Variants in ZNF827 observed in about 807,000 individuals in gnomAD.
ZNF827 encodes zinc finger protein 827.
In ZNF827, 13 loss-of-function variants were observed where a neutral mutation model predicts 102.4. The observed-to-expected ratio is 0.13, with a 90% confidence interval of 0.08 to 0.20. The LOEUF (loss-of-function observed/expected upper bound fraction) is 0.20. Among genes scored for constraint, ZNF827 ranks in the 10% least tolerant of loss-of-function variants. ZNF827 has a pLI of 1.00. For synonymous variants in ZNF827, 523 were observed against 536.2 expected (o/e 0.98, Z 0.34); for missense variants, 1,103 against 1,344.4 (o/e 0.82, Z 2.81).
intron 1 of ZNF827, among the ~76,000 whole-genome samples, chr4:145,929,630 C>A (rs900380652): frequency 6.6e-6 from 1 of 151,976 alleles, no homozygotes; most frequent in African/African-American, 2.4e-5. Context: ...TTATTACTCA[C>A]CACACTAATG....
chr4:145,764,110 TGTGTTAA>T (rs1734923742), intron 13 of ZNF827, among the ~76,000 whole-genome samples: 2 of 152,198 alleles, frequency 1.3e-5, no homozygotes, highest in Non-Finnish European at 2.9e-5. Flanking sequence ...TTTTCCCCCT[TGTGTTAA>T]GTAAAATGTA....
intron 1 of ZNF827, among the ~76,000 whole-genome samples, chr4:145,910,342 A>G (rs1165920109): frequency 3.3e-5 from 5 of 152,160 alleles, no homozygotes; most frequent in African/African-American, 1.2e-4. Context: ...TCCATGGCCG[A>G]GGAACTGCCC....
intron 8 of ZNF827, among the ~76,000 whole-genome samples, chr4:145,783,641 A>G (rs963069914): frequency 2.6e-5 from 4 of 152,218 alleles, no homozygotes; most frequent in African/African-American, 9.6e-5. Flanking sequence ...GCCATGTGCC[A>G]AAGTTCTGAG....
chr4:145,843,755 C>T (rs1203524114), intron 7 of ZNF827, among the ~76,000 whole-genome samples: 2 of 152,240 alleles, frequency 1.3e-5, no homozygotes, highest in African/African-American at 4.8e-5. Context: ...GTGAGAACCG[C>T]TGTCCCCATT....
intron 11 of ZNF827, among the ~76,000 whole-genome samples, chr4:145,772,027 C>T (rs1736366681): frequency 6.6e-6 from 1 of 152,200 alleles, no homozygotes; most frequent in African/African-American, 2.4e-5. Context: ...ACCATAGGGT[C>T]TAGAACCTGG....
chr4:145,903,671 G>A (rs1010104557), intron 1 of ZNF827, among the ~76,000 whole-genome samples: 3 of 152,142 alleles, frequency 2.0e-5, no homozygotes, highest in South Asian at 2.1e-4. Context: ...TTCTAACTCC[G>A]TGACTCTAGG....
chr4:145,851,310 G>T (rs1431526451), intron 5 of ZNF827, among the ~76,000 whole-genome samples: 1 of 152,022 alleles, frequency 6.6e-6, no homozygotes, highest in African/African-American at 2.4e-5. Context: ...AGACAGACAG[G>T]CAGACAGACA....
chr4:145,765,497 T>C lies in ZNF827; in HGVS notation c.3052+50A>G. 2 of 1,553,058 alleles carry C rather than the reference T, an allele frequency of 1.3e-6. No homozygotes were observed. The highest frequency in any genetic ancestry group is 1.7e-6 in the Non-Finnish European group (2 of 1,151,162). ...TGCAGGGCTTATTCTCAAGAATGGG[T>C]CATCCTGGGTGCGGAGGGTTGAGCA... is the stretch of plus-strand genomic sequence containing the variant. On this transcript the variant is annotated intron_variant, in intron 12 of 14. Coordinates refer to ENST00000508784, the MANE Select transcript of ZNF827 (RefSeq NM_001306215.2). The surrounding 1 kb of genome is among the most constrained non-coding windows in gnomAD (Gnocchi z 4.7).
chr4:145,792,295 C>A (rs1384079284), intron 8 of ZNF827, among the ~76,000 whole-genome samples: 1 of 151,758 alleles, frequency 6.6e-6, no homozygotes, highest in East Asian at 1.9e-4. Context: ...AAATTTACTC[C>A]TACTCCTATT....
chr4:145,859,188 T>C (rs954318241), intron 5 of ZNF827, among the ~76,000 whole-genome samples: 7 of 152,004 alleles, frequency 4.6e-5, no homozygotes, highest in East Asian at 3.9e-4. Context: ...ATGGTAGCAA[T>C]AGATGGGGTA....
intron 8 of ZNF827, among the ~76,000 whole-genome samples, chr4:145,813,078 G>T (rs1210284739): frequency 6.6e-6 from 1 of 152,016 alleles, no homozygotes; most frequent in Non-Finnish European, 1.5e-5. Flanking sequence ...TCCATTAAAC[G>T]CCCATTAGTC....
At chr4:145,877,433 T>C (rs1749238650) in intron 4 of ZNF827, among the ~76,000 whole-genome samples, 1 of 152,258 alleles carries the variant, frequency 6.6e-6, no homozygotes, top group Non-Finnish European at 1.5e-5. Flanking sequence ...ATATGACTTT[T>C]AAATGTTAAG....
intron 7 of ZNF827, among the ~76,000 whole-genome samples, chr4:145,843,567 A>G (rs17020691): frequency 0.08 from 12,107 of 152,228 alleles, 709 homozygotes; most frequent in African/African-American, 0.16. Flanking sequence ...GAGAACACCT[A>G]AAGAGCATAA....
chr4:145,911,690 G>C (rs1473182251), intron 1 of ZNF827, among the ~76,000 whole-genome samples: 1 of 152,194 alleles, frequency 6.6e-6, no homozygotes, highest in Non-Finnish European at 1.5e-5. Flanking sequence ...GAGGCCTAGA[G>C]AGGGCCATAG....
chr4:145,895,526 A>C (rs1750911292), intron 2 of ZNF827, among the ~76,000 whole-genome samples: 1 of 152,228 alleles, frequency 6.6e-6, no homozygotes, highest in African/African-American at 2.4e-5. Context: ...AATGTGGTCA[A>C]ATAGCTACAC....
intron 4 of ZNF827, among the ~76,000 whole-genome samples, chr4:145,884,815 C>CT (rs1302456795): frequency 6.6e-6 from 1 of 152,052 alleles, no homozygotes; most frequent in Non-Finnish European, 1.5e-5. Flanking sequence ...TATACTCCAT[C>CT]TTTTTTTCCC....
At position 145,878,559 on chromosome 4, in the gene ZNF827, A is replaced by AGACAG. The variant is rs1215402706; in HGVS notation, c.1747+7114_1747+7118dup. Among the ~76,000 whole-genome samples, 1,178 of 123,636 alleles carry AGACAG rather than the reference A, an allele frequency of 9.5e-3. 49 individuals are homozygous for AGACAG. The highest frequency in any genetic ancestry group is 0.015 in the South Asian group (52 of 3,442). The allele number at this position is 123,636 out of a possible 152,430, so 81.1% of individuals were successfully genotyped here. ...CTCATCTCGAAAGAAAAAAAAGACA[A>AGACAG]GACAGGACAGGACAGGACAGGACAG... On this transcript the variant is annotated intron_variant, in intron 4 of 14. Transcript: ENST00000508784.
At chr4:145,843,670 G>T (rs1347724870) in intron 7 of ZNF827, among the ~76,000 whole-genome samples, 1 of 152,154 alleles carries the variant, frequency 6.6e-6, no homozygotes, top group Admixed American at 6.5e-5. Flanking sequence ...TGCTAGTGGG[G>T]TCCTGCCCAG....
chr4:145,888,862 A>G (rs1561045166), intron 3 of ZNF827, among the ~76,000 whole-genome samples: 1 of 152,238 alleles, frequency 6.6e-6, no homozygotes, highest in Non-Finnish European at 1.5e-5. Flanking sequence ...GGCCTTTATA[A>G]GCTCCTTCCA....
Sources: allele counts gnomAD v4.1 joint callset (sites outside exome capture counted in the v4.1 genomes callset), GRCh38; gene constraint gnomAD v4.1.1; non-coding constraint Gnocchi (gnomAD v3.1); transcripts MANE v1.5; gene names NCBI Gene and HGNC (gene_info 2026-07-23, HGNC 2026-07-21).